The following LRP6 variants were observed in gnomAD, a reference collection of about 807,000 sequenced individuals.
LRP6 encodes the protein LDL receptor related protein 6.
In LRP6, 43 loss-of-function variants were observed where a neutral mutation model predicts 184.1. That is an observed-to-expected ratio of 0.23 (90% confidence interval 0.18 to 0.30). The LOEUF (loss-of-function observed/expected upper bound fraction) is 0.30. Ranked by LOEUF, LRP6 falls within the 10% of genes least tolerant of loss-of-function variation. The pLI is 1.00. For synonymous variants in LRP6, 719 were observed against 684.9 expected (o/e 1.05, Z -0.78); for missense variants, 1,571 against 2,005.3 (o/e 0.78, Z 4.14).
intron 15 of LRP6, among the ~76,000 whole-genome samples, chr12:12,145,612 T>TTTTTTC (rs1409858669): frequency 8.1e-6 from 1 of 123,916 alleles, no homozygotes; most frequent in African/African-American, 3.1e-5. Context: ...CCCACATTTC[T>TTTTTTC]TTTTTCTTTT....
intron 1 of LRP6, among the ~76,000 whole-genome samples, chr12:12,245,703 A>G (rs995712606): frequency 6.6e-6 from 1 of 152,206 alleles, no homozygotes; most frequent in Non-Finnish European, 1.5e-5. Context: ...TATAAAGCCA[A>G]TCTTACAGAA....
chr12:12,178,746 T>A lies in LRP6; in HGVS notation c.1545+1064A>T, dbSNP rs77561153. On this transcript the variant is annotated intron_variant, in intron 7 of 22. Transcript: ENST00000261349. ...ACAGGGAGAAAATTTATGGAGTCTATGCAAAATTTTCTATTAATGAAAACC... is the reference window on the plus strand; with the variant it reads ...ACAGGGAGAAAATTTATGGAGTCTAAGCAAAATTTTCTATTAATGAAAACC... Among the ~76,000 whole-genome samples the A allele has an allele frequency of 3.8e-4, 58 of 152,298 alleles. No homozygotes were observed. The East Asian group carries it at 0.01, about 26-fold the overall frequency.
chr12:12,216,797 T>C (rs1864360058), intron 2 of LRP6, among the ~76,000 whole-genome samples: 1 of 152,094 alleles, frequency 6.6e-6, no homozygotes, highest in Admixed American at 6.5e-5. Context: ...ACTCTGAAAT[T>C]AATGATTATA....
intron 2 of LRP6, among the ~76,000 whole-genome samples, chr12:12,238,585 G>A (rs1036202942): frequency 3.9e-5 from 6 of 152,062 alleles, no homozygotes; most frequent in African/African-American, 4.8e-5. Flanking sequence ...AGACTTAATC[G>A]TACCAACAAT....
At chr12:12,146,411 G>A (rs948673882) in intron 15 of LRP6, among the ~76,000 whole-genome samples, 7 of 152,110 alleles carry the variant, frequency 4.6e-5, no homozygotes, top group African/African-American at 1.4e-4. Context: ...GACACAAATA[G>A]TATATTTTAA....
At chr12:12,181,601 G>A (rs1863347408) in intron 5 of LRP6, among the ~76,000 whole-genome samples, 162 bp from the exon 6 acceptor site, 1 of 152,166 alleles carries the variant, frequency 6.6e-6, no homozygotes, top group African/African-American at 2.4e-5. Context: ...GTAATACAGT[G>A]AAATAGAAGA....
At chr12:12,154,761 ATTTTGAAAGTAAGAAAAT>A (rs1565571430) in intron 12 of LRP6, among the ~76,000 whole-genome samples, 1 of 152,238 alleles carries the variant, frequency 6.6e-6, no homozygotes, top group Non-Finnish European at 1.5e-5. Context: ...TGTAGCTATG[ATTTTGAAAGTAAGAAAAT>A]AAAATTTGAG....
At chr12:12,255,593 CAG>C (rs1225710724) in intron 1 of LRP6, among the ~76,000 whole-genome samples, 2 of 114,388 alleles carry the variant, frequency 1.7e-5, no homozygotes, top group South Asian at 2.7e-4. Flanking sequence ...TTTTTTGAGA[CAG>C]AGTCTCACTC....
intron 1 of LRP6, among the ~76,000 whole-genome samples, chr12:12,265,659 C>T (rs1865737357): frequency 6.6e-6 from 1 of 152,178 alleles, no homozygotes; most frequent in African/African-American, 2.4e-5. Context: ...CCGTATCGAG[C>T]AGTACTTAAA....
intron 21 of LRP6, 115 bp downstream of exon 21, chr12:12,125,181 A>C (rs1949656030): frequency 7.8e-7 from 1 of 1,290,064 alleles, no homozygotes. Context: ...TTTATGCCTA[A>C]ATTTTACATT....
At chr12:12,161,434 AT>A (rs1014252820) in intron 10 of LRP6, among the ~76,000 whole-genome samples, 2 of 151,298 alleles carry the variant, frequency 1.3e-5, no homozygotes, top group Non-Finnish European at 3.0e-5. Flanking sequence ...TGCCTGGCTA[AT>A]TTTTTTTTAT....
chr12:12,199,704 G>A (rs1461409433), intron 3 of LRP6, among the ~76,000 whole-genome samples: 1 of 152,016 alleles, frequency 6.6e-6, no homozygotes, highest in Non-Finnish European at 1.5e-5. Flanking sequence ...GGTGGCTCAT[G>A]CCTGTAATTC....
intron 5 of LRP6, 148 bp downstream of exon 5, chr12:12,183,832 T>C: frequency 3.0e-6 from 2 of 673,234 alleles, no homozygotes; most frequent in South Asian, 3.5e-5. Flanking sequence ...AACAAAACAC[T>C]CCTATTCTAT....
At chr12:12,133,328 TG>T (rs1949783699) in intron 17 of LRP6, among the ~76,000 whole-genome samples, 1 of 152,152 alleles carries the variant, frequency 6.6e-6, no homozygotes, top group Non-Finnish European at 1.5e-5. Context: ...GTTTGGATCA[TG>T]GGGGGTAGAT....
At position 12,233,859 on chromosome 12, in the gene LRP6, A is replaced by T. The variant is rs554249923; in HGVS notation, c.449+10403T>A. 1.0e-4 allele frequency among the ~76,000 whole-genome samples: 15 copies of T among 148,388 alleles called. 1 individual carries two copies. The South Asian group carries it at 1.5e-3, about 15-fold the overall frequency. On this transcript the variant is annotated intron_variant, in intron 2 of 22. Coordinates refer to ENST00000261349, the MANE Select transcript of LRP6 (RefSeq NM_002336.3). The stretch of plus-strand genomic sequence containing the variant: ...CTGCTTTAAAATATCTCAGCTAATT[A>T]AAAAAAAAACCAGCCTAAAAGCCTA...
At chr12:12,207,681 T>C (rs1393116586) in intron 2 of LRP6, among the ~76,000 whole-genome samples, 1 of 152,066 alleles carries the variant, frequency 6.6e-6, no homozygotes, top group Non-Finnish European at 1.5e-5. Flanking sequence ...GAGCCTTAAG[T>C]GGATATTCAT....
At position 12,130,861 on chromosome 12, in the gene LRP6, T is replaced by C. The variant is rs780220826; in HGVS notation, c.4003A>G (p.Asn1335Asp). The change falls in exon 19 of 23, where the codon AAT becomes GAT. Residue 1335 changes from asparagine (N) to aspartate (D), a missense_variant. Physicochemically the swap from Asn to Asp is conservative, Grantham distance 23. Around this residue, in one of 4 missense-constraint regions of LRP6, gnomAD observed 763 missense variants for 859.5 expected, o/e 0.89. Transcript: ENST00000261349. ...LCLIDQFRCA[N>D]GQCIGKHKKC... ...TTGTGCTTTCCAATGCACTGACCAT[T>C]GGCACAGCGGAACTGATCAATTAAA... 4 of 1,612,266 alleles carry C rather than the reference T, an allele frequency of 2.5e-6. No homozygotes were observed. In the South Asian group the frequency reaches 4.4e-5, roughly 18 times the overall value.
chr12:12,220,953 G>C (rs1045602349), intron 2 of LRP6, among the ~76,000 whole-genome samples: 1 of 152,132 alleles, frequency 6.6e-6, no homozygotes, highest in Non-Finnish European at 1.5e-5. Context: ...TTAAAGTTCA[G>C]ATAAAGTAAC....
intron 15 of LRP6, 161 bp from the exon 16 acceptor site, chr12:12,138,695 G>C (rs1949882987): frequency 7.4e-7 from 1 of 1,355,062 alleles, no homozygotes; most frequent in African/African-American, 1.5e-5. Flanking sequence ...ACATACACTA[G>C]AAAACAGCCA....
Sources: gnomAD v4.1 joint callset for allele counts (sites outside exome capture counted in the v4.1 genomes callset) on GRCh38, gnomAD v4.1.1 for gene constraint, gnomAD v4.1.1 regional missense constraint, MANE v1.5 for transcripts, NCBI Gene and HGNC (gene_info 2026-07-23, HGNC 2026-07-21) for gene names.